Variants in ANKRD18A observed in about 807,000 individuals in gnomAD.
ANKRD18A encodes ankyrin repeat domain-containing protein 18A.
In ANKRD18A, 72 loss-of-function variants were observed where a neutral mutation model predicts 110.6. The observed-to-expected ratio is 0.65, with a 90% confidence interval of 0.54 to 0.79. The LOEUF (loss-of-function observed/expected upper bound fraction) is 0.79. Among genes scored for constraint, ANKRD18A ranks in the 30% least tolerant of loss-of-function variants. The pLI, the probability that ANKRD18A is intolerant of heterozygous loss-of-function variation, is 0.00. For missense variants in ANKRD18A, 934 were observed against 1,163.3 expected, an observed-to-expected ratio of 0.80 and a Z score of 2.87; for synonymous variants, 305 against 410.3, an observed-to-expected ratio of 0.74 and a Z score of 3.10.
At chr9:38,570,997 C>T, downstream of ANKRD18A, 1 of 1,095,416 alleles carries the variant, frequency 9.1e-7, no homozygotes, top group South Asian at 2.8e-5. Context: ...TCCTGAAGAG[C>T]CCCGACCTAG....
At chr9:38,581,935 G>GGAGATCAA (rs1824181628) in intron 12 of ANKRD18A, among the ~76,000 whole-genome samples, 1 of 152,202 alleles carries the variant, frequency 6.6e-6, no homozygotes, top group South Asian at 2.1e-4. Flanking sequence ...CTCTGTTTCA[G>GGAGATCAA]TAATAGGAGG....
At chr9:38,579,992 A>G (rs148261273) in intron 12 of ANKRD18A, among the ~76,000 whole-genome samples, 2,329 of 152,354 alleles carry the variant, frequency 0.015, 29 homozygotes, top group South Asian at 0.043. Flanking sequence ...AATACTCACC[A>G]TATAAAAAAA....
At chr9:38,571,223 A>T (rs1267627752), downstream of ANKRD18A, 1 of 1,507,948 alleles carries the variant, frequency 6.6e-7, no homozygotes, top group East Asian at 2.5e-5. Context: ...AAAATACATT[A>T]GTTTAGAACA....
Position 38,571,836 on chromosome 9 carries a change from T to C in ANKRD18A, c.*209A>G. 7.9e-7 allele frequency: 1 copy of C among 1,264,474 alleles called. No homozygotes were observed. The highest frequency in any genetic ancestry group is 1.0e-6 in the Non-Finnish European group (1 of 997,092). The allele number at this position is 1,264,474 out of a possible 1,614,324, so 78.3% of individuals were successfully genotyped here. A position where few individuals can be genotyped will look rare whatever the true frequency, so the allele number is the denominator to read the frequency against. On this transcript the variant is annotated 3_prime_UTR_variant, in exon 16 of 16. Transcript: ENST00000399703. ...TAAAATAACATATAAATATACACCATATGTGACATGAAAATATTCTACTTT... is the reference window on the plus strand; with the variant it reads ...TAAAATAACATATAAATATACACCACATGTGACATGAAAATATTCTACTTT...
chr9:38,609,377 A>AACTG (rs1286848655), intron 5 of ANKRD18A, among the ~76,000 whole-genome samples: 1 of 152,180 alleles, frequency 6.6e-6, no homozygotes, highest in Non-Finnish European at 1.5e-5. Flanking sequence ...GTTACTTGGT[A>AACTG]GGCTGAGGCA....
At chr9:38,583,115 G>A (rs1282498674) in intron 12 of ANKRD18A, among the ~76,000 whole-genome samples, 1 of 152,164 alleles carries the variant, frequency 6.6e-6, no homozygotes, top group Admixed American at 6.5e-5. Flanking sequence ...CCACCTTGTG[G>A]TATCACTTCA....
At chr9:38,589,224 A>G (rs1824525532) in intron 10 of ANKRD18A, among the ~76,000 whole-genome samples, 1 of 152,174 alleles carries the variant, frequency 6.6e-6, no homozygotes, top group Admixed American at 6.5e-5. Context: ...ATACACAAAT[A>G]ATAACTTTTG....
chr9:38,601,273 G>A lies in ANKRD18A; in HGVS notation c.863-69C>T. On this transcript the variant is annotated intron_variant, in intron 7 of 15. Coordinates refer to ENST00000399703, the MANE Select transcript of ANKRD18A (RefSeq NM_147195.4). The stretch of plus-strand genomic sequence containing the variant: ...TATAATCTTTATAAAAATTGATACA[G>A]AACAACACACACTTTTATAAATTGA... The A allele has an allele frequency of 3.0e-6, 4 of 1,347,728 alleles. No homozygotes were observed. The South Asian group carries it at 5.6e-5, about 19-fold the overall frequency. 83.5% of individuals were successfully genotyped at this position (1,347,728 alleles called of 1,614,324 possible).
chr9:38,601,638 T>C (rs115731010), intron 7 of ANKRD18A, among the ~76,000 whole-genome samples: 3,225 of 152,286 alleles, frequency 0.021, 93 homozygotes, highest in African/African-American at 0.073. Context: ...GTACACCCTG[T>C]TTTTTACATC....
chr9:38,602,466 T>C (rs1179832368), intron 7 of ANKRD18A, among the ~76,000 whole-genome samples: 1 of 152,024 alleles, frequency 6.6e-6, no homozygotes, highest in African/African-American at 2.4e-5. Context: ...GACAGGGGCA[T>C]CACCAGCAGC....
intron 12 of ANKRD18A, among the ~76,000 whole-genome samples, chr9:38,578,506 A>C (rs1317841903): frequency 3.3e-5 from 5 of 152,210 alleles, no homozygotes; most frequent in African/African-American, 7.2e-5. Context: ...TTTGTCAAAA[A>C]AACTTTCAGA....
chr9:38,577,951 T>A lies in ANKRD18A; in HGVS notation c.2445A>T (p.Glu815Asp). The change falls in exon 13 of 16, where the codon GAA (glutamate) becomes GAT (aspartate). Residue 815 changes from glutamate (E) to aspartate (D), a missense_variant. Glu to Asp is a conservative substitution (Grantham distance 45, BLOSUM62 2). Coordinates refer to ENST00000399703, the MANE Select transcript of ANKRD18A (RefSeq NM_147195.4). The stretch of plus-strand genomic sequence containing the variant: ...ATTTATATTCTTGTAGTTTACCAAG[T>A]TCTACCATATCTTTTTCCATATGTG... ...LKTHMEKDMV[E>D]LGKLQEYKSE... 1 of 1,589,388 alleles carries A rather than the reference T, an allele frequency of 6.3e-7. No homozygotes were observed. Among genetic ancestry groups the A allele is most frequent in the East Asian group, 2.3e-5 (1 of 43,706 alleles).
downstream of ANKRD18A, chr9:38,568,563 G>T (rs1823534601): frequency 3.3e-6 from 1 of 302,080 alleles, no homozygotes; most frequent in Non-Finnish European, 4.9e-6. Context: ...TGGGAACCTG[G>T]CCACCCCTGA....
chr9:38,575,569 T>G lies in ANKRD18A; in HGVS notation c.2871A>C (p.Ile957=). The change falls in exon 15 of 16, where the codon ATA becomes ATC. Residue 957 remains isoleucine (I), a synonymous_variant. Transcript: ENST00000399703. Reference sequence around the variant, plus strand: ...TGGGAATATATTTTCTGTTGAGTTCTATACTATTAAGATTTTCAACACAAG... The same window carrying G: ...TGGGAATATATTTTCTGTTGAGTTCGATACTATTAAGATTTTCAACACAAG... ...ELPCVENLNS[I]ELNRKYIPKT... is the part of the protein sequence containing the mutation. 1 of 1,551,588 alleles carries G rather than the reference T, an allele frequency of 6.4e-7. No individual in the cohort carries two copies. Among genetic ancestry groups the G allele is most frequent in the Non-Finnish European group, 8.7e-7 (1 of 1,146,814 alleles).
At position 38,575,815 on chromosome 9, in the gene ANKRD18A, G is replaced by T. The variant is rs1823868291; in HGVS notation, c.2742-117C>A. On this transcript the variant is annotated intron_variant, in intron 14 of 15. Transcript: ENST00000399703. Reference sequence around the variant, plus strand: ...TAAACCAAAATACCCATTAAACAGTGCTTTCACACAAAGATGTGTGAGGGC... The same window carrying T: ...TAAACCAAAATACCCATTAAACAGTTCTTTCACACAAAGATGTGTGAGGGC... 26 of 957,458 alleles carry T rather than the reference G, an allele frequency of 2.7e-5. No individual in the cohort carries two copies. In the South Asian group the frequency reaches 4.7e-4, roughly 17 times the overall value. 59.3% of individuals were successfully genotyped at this position (957,458 alleles called of 1,614,324 possible).
intron 8 of ANKRD18A, among the ~76,000 whole-genome samples, chr9:38,598,815 G>A (rs2118802080): frequency 6.6e-6 from 1 of 152,308 alleles, no homozygotes; most frequent in African/African-American, 2.4e-5. Context: ...GCGCTGTATT[G>A]GTTTTCGGCT....
chr9:38,606,989 A>T (rs980509194), intron 6 of ANKRD18A, among the ~76,000 whole-genome samples: 2 of 152,072 alleles, frequency 1.3e-5, no homozygotes, highest in Non-Finnish European at 2.9e-5. Flanking sequence ...AATTAAATTT[A>T]AAAAATTAAT....
chr9:38,610,951 T>G (rs2118870763), intron 4 of ANKRD18A, among the ~76,000 whole-genome samples: 1 of 151,916 alleles, frequency 6.6e-6, no homozygotes, highest in South Asian at 2.1e-4. Context: ...ACAAACCCCC[T>G]TTAGCTAATA....
At chr9:38,591,668 A>C (rs1026708296) in intron 10 of ANKRD18A, among the ~76,000 whole-genome samples, 1 of 152,206 alleles carries the variant, frequency 6.6e-6, no homozygotes, top group Non-Finnish European at 1.5e-5. Context: ...CTATAGATGC[A>C]CTGAATCATT....
Sources: gnomAD v4.1 joint callset for allele counts (sites outside exome capture counted in the v4.1 genomes callset) on GRCh38, gnomAD v4.1.1 for gene constraint, MANE v1.5 for transcripts, NCBI Gene and HGNC (gene_info 2026-07-23, HGNC 2026-07-21) for gene names.